The following CLYBL variants were observed in gnomAD, a reference collection of about 807,000 sequenced individuals.
CLYBL encodes the protein citramalyl-CoA lyase, also known as citramalyl-CoA lyase, mitochondrial.
In CLYBL, 31 loss-of-function variants were observed where a neutral mutation model predicts 38.9. That is an observed-to-expected ratio of 0.80 (90% CI 0.60 to 1.08). The LOEUF (loss-of-function observed/expected upper bound fraction) is 1.08, where lower values mean the gene tolerates loss of function less well. Ranked by LOEUF, CLYBL falls within the 50% of genes least tolerant of loss-of-function variation. The pLI is 0.00. For synonymous variants in CLYBL, 171 were observed against 158.6 expected (o/e 1.08, Z -0.59); for missense variants, 434 against 411.6 (o/e 1.05, Z -0.47).
chr13:99,696,661 G>A (rs2047984246), intron 1 of CLYBL, among the ~76,000 whole-genome samples: 1 of 151,998 alleles, frequency 6.6e-6, no homozygotes, highest in Admixed American at 6.6e-5. Flanking sequence ...AAAAAAGTAT[G>A]AGGCTGGGCA....
chr13:99,840,873 A>G (rs1212228645), intron 2 of CLYBL, among the ~76,000 whole-genome samples: 2 of 150,764 alleles, frequency 1.3e-5, no homozygotes, highest in African/African-American at 2.5e-5. Flanking sequence ...TTGCCCAAAC[A>G]TATTAAATAT....
chr13:99,841,778 AT>A (rs1326933570), intron 2 of CLYBL, among the ~76,000 whole-genome samples: 6 of 131,198 alleles, frequency 4.6e-5, no homozygotes, highest in East Asian at 4.5e-4. Flanking sequence ...ACACCTATGT[AT>A]TTTTTTTCTT....
intron 1 of CLYBL, among the ~76,000 whole-genome samples, chr13:99,658,510 C>G (rs61974383): frequency 6.6e-6 from 1 of 152,264 alleles, no homozygotes; most frequent in East Asian, 1.9e-4. Context: ...GTGTCCCTCT[C>G]CCCCACGCCG....
rs543781811 is a variant in CLYBL, at chr13:99,869,084, T to C, written c.803-1854T>C. ...GTTCCCACATGCCATTAAAGTCTGCTATACAGTTGTTGGAATATATAAGAT... is the reference window on the plus strand; with the variant it reads ...GTTCCCACATGCCATTAAAGTCTGCCATACAGTTGTTGGAATATATAAGAT... On this transcript the variant is annotated intron_variant, in intron 6 of 8. Transcript: ENST00000339105. The surrounding 1 kb of genome is among the most constrained non-coding windows in gnomAD (Gnocchi z 4.3). Among the ~76,000 whole-genome samples, 1 of 152,322 alleles carries C rather than the reference T, an allele frequency of 6.6e-6. No individual in the cohort carries two copies. Among genetic ancestry groups the C allele is most frequent in the South Asian group, 2.1e-4 (1 of 4,830 alleles).
chr13:99,695,333 A>C (rs2139441601), intron 1 of CLYBL, among the ~76,000 whole-genome samples: 1 of 152,202 alleles, frequency 6.6e-6, no homozygotes, highest in South Asian at 2.1e-4. Context: ...AAAGCACACA[A>C]ATATATTTAA....
chr13:99,620,355 G>A (rs59920027), intron 1 of CLYBL, among the ~76,000 whole-genome samples: 6,497 of 152,232 alleles, frequency 0.043, 479 homozygotes, highest in African/African-American at 0.15. Context: ...CAGAGCCACA[G>A]TGCTCTCATA....
intron 2 of CLYBL, among the ~76,000 whole-genome samples, chr13:99,782,700 CCCTT>C (rs1380321735): frequency 6.6e-6 from 1 of 152,084 alleles, no homozygotes; most frequent in Non-Finnish European, 1.5e-5. Context: ...TTTTCTCCCT[CCCTT>C]CCTCCCTTAC....
intron 1 of CLYBL, among the ~76,000 whole-genome samples, chr13:99,716,972 G>A (rs1594136060): frequency 1.4e-5 from 2 of 145,738 alleles, no homozygotes; most frequent in Admixed American, 6.8e-5. Context: ...TGTATTTTTA[G>A]TAGAGACGGG....
At chr13:99,847,769 C>A (rs2051240781) in intron 2 of CLYBL, among the ~76,000 whole-genome samples, 1 of 152,200 alleles carries the variant, frequency 6.6e-6, no homozygotes, top group African/African-American at 2.4e-5. Flanking sequence ...AGCAGGGACC[C>A]CCAACTTGAG....
chr13:99,736,345 A>G (rs1031384205), intron 1 of CLYBL, among the ~76,000 whole-genome samples: 10 of 151,890 alleles, frequency 6.6e-5, no homozygotes, highest in Admixed American at 1.3e-4. Context: ...GCCATCCTAT[A>G]TATTTCTAAG....
In CLYBL at chr13:99,754,552, T is replaced by C. The variant is rs148664158; in HGVS notation, c.63-18272T>C. On this transcript the variant is annotated intron_variant, in intron 1 of 8. Coordinates refer to ENST00000339105, the MANE Select transcript of CLYBL (RefSeq NM_206808.5). The stretch of plus-strand genomic sequence containing the variant: ...CTGGGACTGCAGGCACACACCACTA[T>C]GCCCAGCTCTTCTAGATGATCTTTT... Among the ~76,000 whole-genome samples, 942 of 151,640 alleles carry C rather than the reference T, an allele frequency of 6.2e-3. 8 individuals carry two copies. The highest frequency in any genetic ancestry group is 0.021 in the African/African-American group (890 of 41,422).
intron 2 of CLYBL, among the ~76,000 whole-genome samples, chr13:99,786,967 G>C (rs2049809273): frequency 6.6e-6 from 1 of 151,954 alleles, no homozygotes; most frequent in Non-Finnish European, 1.5e-5. Context: ...GTGATGATGA[G>C]CATTTTTTCA....
chr13:99,646,380 T>C (rs1235027543), intron 1 of CLYBL, among the ~76,000 whole-genome samples: 2 of 152,076 alleles, frequency 1.3e-5, no homozygotes, highest in African/African-American at 4.8e-5. Flanking sequence ...GGAGGGTTAA[T>C]GAGGATGTGT....
intron 1 of CLYBL, among the ~76,000 whole-genome samples, chr13:99,719,665 C>T (rs937811105): frequency 6.6e-6 from 1 of 151,668 alleles, no homozygotes; most frequent in African/African-American, 2.4e-5. Flanking sequence ...CGCCACCACA[C>T]CCAGCTAATT....
intron 2 of CLYBL, among the ~76,000 whole-genome samples, chr13:99,778,732 A>C (rs559131228): frequency 6.6e-6 from 1 of 152,318 alleles, no homozygotes; most frequent in East Asian, 1.9e-4. Context: ...GGGCTGTCTA[A>C]GCCACTGCTT....
At chr13:99,679,711 C>G (rs2047706358) in intron 1 of CLYBL, among the ~76,000 whole-genome samples, 1 of 151,358 alleles carries the variant, frequency 6.6e-6, no homozygotes, top group African/African-American at 2.4e-5. Flanking sequence ...TATTTCTTCT[C>G]TTTCCAAAAT....
chr13:99,617,648 T>C (rs1445609910), intron 1 of CLYBL, among the ~76,000 whole-genome samples: 1 of 134,564 alleles, frequency 7.4e-6, no homozygotes, highest in Non-Finnish European at 1.8e-5. Flanking sequence ...TTTCAGAAGA[T>C]GTAAGAGTTT....
Position 99,717,946 on chromosome 13 carries a change from T to C in CLYBL, c.63-54878T>C, listed in dbSNP as rs575792063. ...GAATTACAGTACTTTTGATTACTTA[T>C]ATTTATCTGGAATATAGTTCACATT... is the stretch of plus-strand genomic sequence containing the variant. On this transcript the variant is annotated intron_variant, in intron 1 of 8. Transcript: ENST00000339105. 9.8e-5 allele frequency among the ~76,000 whole-genome samples: 15 copies of C among 152,328 alleles called. No homozygotes were observed. The East Asian group carries it at 1.7e-3, about 18-fold the overall frequency.
At chr13:99,801,317 A>T (rs768771632) in intron 2 of CLYBL, among the ~76,000 whole-genome samples, 8 of 152,234 alleles carry the variant, frequency 5.3e-5, no homozygotes, top group Non-Finnish European at 1.0e-4. Flanking sequence ...TGTAATATTA[A>T]TTACACATTA....
Sources: gnomAD v4.1 joint callset for allele counts (sites outside exome capture counted in the v4.1 genomes callset) on GRCh38, gnomAD v4.1.1 for gene constraint, Gnocchi (gnomAD v3.1) non-coding constraint, MANE v1.5 for transcripts, NCBI Gene and HGNC (gene_info 2026-07-23, HGNC 2026-07-21) for gene names.